The following RANBP2 variants were observed in gnomAD, a reference collection of about 807,000 sequenced individuals.
The protein encoded by RANBP2 is RAN binding protein 2, also known as E3 SUMO-protein ligase RanBP2.
Under a neutral mutation model 303.6 loss-of-function variants are expected in RANBP2, and 57 were observed. That is an observed-to-expected ratio of 0.19 (90% CI 0.15 to 0.23). The LOEUF (loss-of-function observed/expected upper bound fraction) is 0.23, where lower values mean the gene tolerates loss of function less well. Ranked by LOEUF, RANBP2 falls within the 10% of genes least tolerant of loss-of-function variation. RANBP2 has a pLI of 1.00. For missense variants in RANBP2, 3,138 were observed against 3,780.8 expected, an observed-to-expected ratio of 0.83 and a Z score of 4.46; for synonymous variants, 1,167 against 1,301.5, an observed-to-expected ratio of 0.90 and a Z score of 2.23.
At chr2:109,360,826 T>C in the RANBP2 span, among the ~76,000 whole-genome samples, 25 of 152,236 alleles carry the variant, frequency 1.6e-4, no homozygotes, top group Non-Finnish European at 1.5e-5. Context: ...TCTTGTCTTA[T>C]TGTATTATCA....
chr2:109,731,713 C>G, the RANBP2 span, among the ~76,000 whole-genome samples: 1 of 152,164 alleles, frequency 6.6e-6, no homozygotes, highest in Non-Finnish European at 1.5e-5. Flanking sequence ...TCTTGAACTC[C>G]TGACCTCAGG....
the RANBP2 span, among the ~76,000 whole-genome samples, chr2:109,590,345 CAG>C: frequency 6.6e-6 from 1 of 152,010 alleles, no homozygotes; most frequent in Non-Finnish European, 1.5e-5. Flanking sequence ...AGAGATTTTA[CAG>C]AGTGATTAAG....
chr2:109,046,012 A>C, the RANBP2 span, among the ~76,000 whole-genome samples: 1 of 152,076 alleles, frequency 6.6e-6, no homozygotes. Context: ...TTATATTTTA[A>C]AAAAATCCAA....
At chr2:108,813,588 CAT>C in the RANBP2 span, among the ~76,000 whole-genome samples, 3 of 152,082 alleles carry the variant, frequency 2.0e-5, no homozygotes, top group Non-Finnish European at 2.9e-5. Flanking sequence ...AATGGATTTC[CAT>C]ATGTCTTTTT....
chr2:109,094,546 T>C, the RANBP2 span, among the ~76,000 whole-genome samples: 1 of 152,138 alleles, frequency 6.6e-6, no homozygotes, highest in Non-Finnish European at 1.5e-5. Flanking sequence ...TAAAAAAAGC[T>C]GGGCCAGGCG....
the RANBP2 span, among the ~76,000 whole-genome samples, chr2:109,423,929 A>G: frequency 6.6e-6 from 1 of 152,230 alleles, no homozygotes; most frequent in Non-Finnish European, 1.5e-5. Flanking sequence ...GCAAGTGGGA[A>G]GAGCAGAGAA....
In RANBP2 at chr2:108,782,514, T is replaced by C. The variant is rs1159272940; in HGVS notation, c.9035-14T>C. 3.7e-6 allele frequency: 6 copies of C among 1,613,886 alleles called. No individual in the cohort carries two copies. Among genetic ancestry groups the C allele is most frequent in the Non-Finnish European group, 4.2e-6 (5 of 1,179,832 alleles). On this transcript the variant is annotated splice_polypyrimidine_tract_variant and intron_variant, in intron 27 of 28. Transcript: ENST00000283195. ...AATACTAAGGTCACTGCTTCCCCTT[T>C]CCCTCCCTGCCAGATGGAGAAGCAA...
chr2:108,947,108 C>T, the RANBP2 span, among the ~76,000 whole-genome samples: 1 of 152,176 alleles, frequency 6.6e-6, no homozygotes, highest in Non-Finnish European at 1.5e-5. Flanking sequence ...GAAAAATTGG[C>T]CAAAACAAAG....
the RANBP2 span, among the ~76,000 whole-genome samples, chr2:109,588,533 G>A: frequency 3.0e-3 from 453 of 151,880 alleles, 2 homozygotes; most frequent in South Asian, 0.022. Flanking sequence ...TTGCTCTTTC[G>A]CCCAGGCTGG....
At chr2:108,837,050 T>C in the RANBP2 span, among the ~76,000 whole-genome samples, 67 of 152,334 alleles carry the variant, frequency 4.4e-4, no homozygotes, top group African/African-American at 1.6e-3. Context: ...TTTATTTCTT[T>C]TTCTTGCCCA....
the RANBP2 span, chr2:109,128,772 C>T: frequency 1.6e-5 from 3 of 186,636 alleles, no homozygotes; most frequent in Non-Finnish European, 3.4e-5. Flanking sequence ...GGAAACGTCC[C>T]TCTCTGAGGC....
chr2:108,761,382 A>G (rs1239861034), intron 18 of RANBP2, among the ~76,000 whole-genome samples: 1 of 152,056 alleles, frequency 6.6e-6, no homozygotes, highest in East Asian at 1.9e-4. Flanking sequence ...TTCTTTTTCC[A>G]TGTACAGGCA....
At chr2:109,267,340 A>G in the RANBP2 span, among the ~76,000 whole-genome samples, 3 of 152,190 alleles carry the variant, frequency 2.0e-5, no homozygotes, top group Non-Finnish European at 4.4e-5. Flanking sequence ...CCAGGGGAAG[A>G]AAACCCAAAA....
At chr2:109,703,721 G>A in the RANBP2 span, among the ~76,000 whole-genome samples, 5 of 152,200 alleles carry the variant, frequency 3.3e-5, no homozygotes, top group African/African-American at 9.6e-5. Context: ...GAGCCACCAC[G>A]CCCTGCCTAT....
the RANBP2 span, among the ~76,000 whole-genome samples, chr2:108,799,197 T>C: frequency 2.6e-4 from 39 of 152,308 alleles, no homozygotes; most frequent in Non-Finnish European, 4.7e-4. Flanking sequence ...TATGTCACAT[T>C]GTGGATTTGC....
At chr2:108,789,888 G>A (rs1470119469), downstream of RANBP2, among the ~76,000 whole-genome samples, 1 of 152,202 alleles carries the variant, frequency 6.6e-6, no homozygotes, top group African/African-American at 2.4e-5. Context: ...CTAAAAATAT[G>A]TGGCAGAAAG....
chr2:109,616,943 G>C, the RANBP2 span: 1 of 166,876 alleles, frequency 6.0e-6, no homozygotes, highest in African/African-American at 2.4e-5. Flanking sequence ...TTTATTCTGA[G>C]GATTATTTAA....
At chr2:109,557,754 T>C in the RANBP2 span, among the ~76,000 whole-genome samples, 1 of 152,208 alleles carries the variant, frequency 6.6e-6, no homozygotes, top group Admixed American at 6.5e-5. Context: ...AATGCAATCA[T>C]TGTTTCTTAT....
At chr2:109,140,384 GC>G in the RANBP2 span, among the ~76,000 whole-genome samples, 1 of 151,252 alleles carries the variant, frequency 6.6e-6, no homozygotes, top group South Asian at 2.1e-4. Flanking sequence ...GAAATTTCTT[GC>G]CTTTTTTTTT....
Sources: allele counts gnomAD v4.1 joint callset (sites outside exome capture counted in the v4.1 genomes callset), GRCh38; gene constraint gnomAD v4.1.1; transcripts MANE v1.5; gene names NCBI Gene and HGNC (gene_info 2026-07-23, HGNC 2026-07-21).